Variants in PTGS2 observed in about 807,000 individuals in gnomAD.
The protein encoded by PTGS2 is prostaglandin G/H synthase 2.
A neutral mutation model predicts 63.8 loss-of-function variants in PTGS2; 14 were observed. The ratio of observed to expected loss-of-function variants is 0.22; its 90% CI spans 0.14 to 0.34. The LOEUF (loss-of-function observed/expected upper bound fraction) is 0.34. Ranked by LOEUF, PTGS2 falls within the 10% of genes least tolerant of loss-of-function variation. The pLI is 1.00. For synonymous variants in PTGS2, 271 were observed against 259.5 expected (o/e 1.04, Z -0.43); for missense variants, 533 against 738.5 (o/e 0.72, Z 3.23).
intron 1 of PTGS2, 74 bp downstream of exon 1, chr1:186,680,165 C>T: frequency 6.5e-7 from 1 of 1,548,262 alleles, no homozygotes; most frequent in Non-Finnish European, 8.7e-7. Context: ...TGGGATAGAC[C>T]CAGGAGGTCA....
At chr1:186,674,864 C>T in intron 9 of PTGS2, 102 bp from the exon 10 acceptor site, 2 of 1,328,888 alleles carry the variant, frequency 1.5e-6, no homozygotes, top group Non-Finnish European at 2.0e-6. Flanking sequence ...TCTCTGTTTC[C>T]ATTTGACCCC....
Position 186,680,386 on chromosome 1 carries a change from A to T in PTGS2, c.-96T>A. 1 of 876,486 alleles carries T rather than the reference A, an allele frequency of 1.1e-6. No individual in the cohort carries two copies. The highest frequency in any genetic ancestry group is 1.7e-5 in the South Asian group (1 of 58,022). 54.3% of individuals were successfully genotyped at this position (876,486 alleles called of 1,614,324 possible). On this transcript the variant is annotated 5_prime_UTR_variant, in exon 1 of 10. Transcript: ENST00000367468. Reference sequence around the variant, plus strand: ...GGAGGCGCTGCTGAGGAGTTCCTGGACGTGCTCCTGACGCTCACTGCAAGT... The same window carrying T: ...GGAGGCGCTGCTGAGGAGTTCCTGGTCGTGCTCCTGACGCTCACTGCAAGT...
chr1:186,676,507 A>C lies in PTGS2; in HGVS notation c.930T>G (p.Gly310=). ...DVLKQEHPEW[G]DEQLFQTSRL... ...TGCTTGTCTGGAACAACTGCTCATCACCCCATTCAGGATGCTCCTGTTTAA... is the reference window on the plus strand; with the variant it reads ...TGCTTGTCTGGAACAACTGCTCATCCCCCCATTCAGGATGCTCCTGTTTAA... Residue 310 remains glycine (G), a synonymous_variant, in exon 7 of 10, where the codon GGT becomes GGG. Transcript: ENST00000367468. 1 of 1,614,082 alleles carries C rather than the reference A, an allele frequency of 6.2e-7. No homozygotes were observed.
chr1:186,674,905 G>T, intron 9 of PTGS2, 143 bp from the exon 10 acceptor site: 1 of 1,047,742 alleles, frequency 9.5e-7, no homozygotes, highest in Non-Finnish European at 1.3e-6. Flanking sequence ...GGGGCCAGGC[G>T]CGGTGGCTCA....
rs1571808948 is a variant in PTGS2, at chr1:186,674,194, TAA to T, written c.*157_*158del. On this transcript the variant is annotated 3_prime_UTR_variant, in exon 10 of 10. Transcript: ENST00000367468. ...CAGCAAAATCTTTAGAGTAGTGACATAAAAGTCTTCACAAGTATGACTCCTTT... is the reference window on the plus strand; with the variant it reads ...CAGCAAAATCTTTAGAGTAGTGACATAAGTCTTCACAAGTATGACTCCTTT... 2.5e-6 allele frequency: 1 copy of T among 395,132 alleles called. No homozygotes were observed. The highest frequency in any genetic ancestry group is 4.5e-5 in the East Asian group (1 of 22,090). The allele number at this position is 395,132 out of a possible 1,614,324, so 24.5% of individuals were successfully genotyped here.
Position 186,675,232 on chromosome 1 carries a change from T to C in PTGS2, c.1405+17A>G, listed in dbSNP as rs1257122385. The C allele has an allele frequency of 6.2e-7, 1 of 1,602,592 alleles. No individual in the cohort carries two copies. Among genetic ancestry groups the C allele is most frequent in the Non-Finnish European group, 8.5e-7 (1 of 1,177,456 alleles). On this transcript the variant is annotated intron_variant, in intron 9 of 9. Transcript: ENST00000367468. ...CAAACAAACAAAAAACGAAGAAGTT[T>C]AGAAACTGTTTCTTACCTGTAAGTT...
chr1:186,678,482 G>A, intron 3 of PTGS2, 78 bp from the exon 4 acceptor site: 3 of 1,339,810 alleles, frequency 2.2e-6, no homozygotes, highest in South Asian at 1.6e-5. Flanking sequence ...ATTGTAAAAT[G>A]TGGAAAGTGG....
In PTGS2 at chr1:186,675,253, A is replaced by G; in HGVS notation, c.1401T>C (p.Leu467=). Residue 467 remains leucine (L), a synonymous_variant, in exon 9 of 10, where the codon CTT becomes CTC. Coordinates refer to ENST00000367468, the MANE Select transcript of PTGS2 (RefSeq NM_000963.4). The part of the protein sequence containing the change: ...MLKPYESFEE[L]TGEKEMSAEL... ...AGTTTAGAAACTGTTTCTTACCTGT[A>G]AGTTCTTCAAATGATTCATAGGGCT... The G allele has an allele frequency of 6.2e-7, 1 of 1,611,010 alleles. No individual in the cohort carries two copies. Among genetic ancestry groups the G allele is most frequent in the Non-Finnish European group, 8.5e-7 (1 of 1,179,372 alleles).
rs1274768081 is a variant in PTGS2, at chr1:186,671,878, TCTTTTACATAAGTTA to T, written c.*2460_*2474del. 3.9e-5 allele frequency: 6 copies of T among 152,140 alleles called. No homozygotes were observed. The highest frequency in any genetic ancestry group is 1.2e-4 in the African/African-American group (5 of 41,442). The allele number at this position is 152,140 out of a possible 1,614,324, so 9.4% of individuals were successfully genotyped here. A position where few individuals can be genotyped will look rare whatever the true frequency, so the allele number is the denominator to read the frequency against. ...AAACAGACATTTATTTCCAGACTTA[TCTTTTACATAAGTTA>T]AATACACATTTGTCTGAGGCACTGA... is the stretch of plus-strand genomic sequence containing the variant. On this transcript the variant is annotated 3_prime_UTR_variant, in exon 10 of 10. Coordinates refer to ENST00000367468, the MANE Select transcript of PTGS2 (RefSeq NM_000963.4).
intron 8 of PTGS2, 159 bp from the exon 9 acceptor site, chr1:186,675,555 G>C: frequency 1.1e-6 from 1 of 874,390 alleles, no homozygotes; most frequent in Non-Finnish European, 1.7e-6. Context: ...CAGGAGCTCT[G>C]CTTAAAATTC....
At chr1:186,675,762 C>A in intron 8 of PTGS2, 136 bp downstream of exon 8, 2 of 991,354 alleles carry the variant, frequency 2.0e-6, no homozygotes, top group Non-Finnish European at 2.9e-6. Context: ...AGTTAGGCTT[C>A]TTATATCAAT....
Position 186,679,152 on chromosome 1 carries a change from T to C in PTGS2, c.219A>G (p.Thr73=). 1 of 1,614,018 alleles carries C rather than the reference T, an allele frequency of 6.2e-7. No individual in the cohort carries two copies. The highest frequency in any genetic ancestry group is 8.5e-7 in the Non-Finnish European group (1 of 1,179,970). ...TGAAGTGGGTAAGTATGTAGTGCAC[T>C]GTGTTTGGAGTGGGTTTCAGAAATA... ...IKLFLKPTPN[T]VHYILTHFKG... Residue 73 remains threonine (T), a synonymous_variant, in exon 3 of 10, where the codon ACA becomes ACG. Transcript: ENST00000367468.
intron 5 of PTGS2, 130 bp downstream of exon 5, chr1:186,677,519 G>T: frequency 1.0e-6 from 1 of 990,338 alleles, no homozygotes; most frequent in Admixed American, 3.1e-5. Flanking sequence ...GGTTTTTATA[G>T]ATAAGACTTC....
Position 186,674,321 on chromosome 1 carries a change from C to A in PTGS2, c.*32G>T. ...AATAATTAAATTAATAGACATGGTTCATATAAATAAATAAATATGATCATT... is the reference window on the plus strand; with the variant it reads ...AATAATTAAATTAATAGACATGGTTAATATAAATAAATAAATATGATCATT... On this transcript the variant is annotated 3_prime_UTR_variant, in exon 10 of 10. Transcript: ENST00000367468. 2 of 1,340,354 alleles carry A rather than the reference C, an allele frequency of 1.5e-6. No homozygotes were observed. The highest frequency in any genetic ancestry group is 3.7e-5 in the South Asian group (2 of 54,478). 83.0% of individuals were successfully genotyped at this position (1,340,354 alleles called of 1,614,324 possible).
At position 186,674,539 on chromosome 1, in the gene PTGS2, T is replaced by C; in HGVS notation, c.1629A>G (p.Gln543=). ...PSTFGGEVGF[Q]IINTASIQSL... ...ACTGAATTGAGGCAGTGTTGATGAT[T>C]TGAAAACCCACTTCTCCACCAAAAG... Residue 543 remains glutamine (Q), a synonymous_variant, in exon 10 of 10, where the codon CAA becomes CAG. Coordinates refer to ENST00000367468, the MANE Select transcript of PTGS2 (RefSeq NM_000963.4). The C allele has an allele frequency of 6.2e-7, 1 of 1,614,202 alleles. No homozygotes were observed. The highest frequency in any genetic ancestry group is 1.1e-5 in the South Asian group (1 of 91,088).
chr1:186,679,050 G>A lies in PTGS2; in HGVS notation c.313+8C>T, dbSNP rs755299871. On this transcript the variant is annotated splice_region_variant and intron_variant, in intron 3 of 9. Transcript: ENST00000367468. ...GGCTAAAAACCTTAGAAAGACACTT[G>A]TACTTACATGTCAACACATAACTCA... 2.0e-5 allele frequency: 32 copies of A among 1,610,946 alleles called. No individual in the cohort carries two copies. Among genetic ancestry groups the A allele is most frequent in the Non-Finnish European group, 2.5e-5 (30 of 1,179,036 alleles).
At position 186,676,460 on chromosome 1, in the gene PTGS2, T is replaced by A. The variant is rs1357002730; in HGVS notation, c.970+7A>T. On this transcript the variant is annotated splice_region_variant and intron_variant, in intron 7 of 9. Coordinates refer to ENST00000367468, the MANE Select transcript of PTGS2 (RefSeq NM_000963.4). ...GAGGGTTTTATATAAATCATTTTCT[T>A]GTTTACCTATCAGTATTAGCCTGCT... is the stretch of plus-strand genomic sequence containing the variant. The A allele has an allele frequency of 6.2e-7, 1 of 1,611,820 alleles. No individual in the cohort carries two copies. Among genetic ancestry groups the A allele is most frequent in the East Asian group, 2.2e-5 (1 of 44,840 alleles).
At chr1:186,677,009 C>A in intron 5 of PTGS2, 93 bp from the exon 6 acceptor site, 1 of 931,750 alleles carries the variant, frequency 1.1e-6, no homozygotes, top group South Asian at 1.7e-5. Flanking sequence ...ATAATTTGAT[C>A]ATTTAGCTTT....
intron 5 of PTGS2, 113 bp downstream of exon 5, chr1:186,677,536 A>G: frequency 8.6e-7 from 1 of 1,162,284 alleles, no homozygotes; most frequent in Non-Finnish European, 1.2e-6. Flanking sequence ...CTTCTTTTTA[A>G]AAAAAGTGGA....
Sources: gnomAD v4.1 joint callset for allele counts on GRCh38, gnomAD v4.1.1 for gene constraint, MANE v1.5 for transcripts, NCBI Gene and HGNC (gene_info 2026-07-23, HGNC 2026-07-21) for gene names.